OPRM1: variants seen among roughly 807,000 people sequenced by gnomAD.
OPRM1 encodes the protein opioid receptor mu 1, also known as mu-type opioid receptor.
OPRM1 carries 27 observed loss-of-function variants against 31.8 expected under a neutral mutation model. The observed-to-expected ratio is 0.85, with a 90% CI of 0.63 to 1.17. The LOEUF (loss-of-function observed/expected upper bound fraction) is 1.17. Among genes scored for constraint, OPRM1 ranks in the 50% most tolerant of loss-of-function variants. The pLI is 0.00. For synonymous variants in OPRM1, 196 were observed against 189.9 expected (o/e 1.03, Z -0.26); for missense variants, 536 against 511.1 (o/e 1.05, Z -0.47).
intron 1 of OPRM1, among the ~76,000 whole-genome samples, chr6:154,048,613 C>G (rs892898988): frequency 2.0e-5 from 3 of 152,162 alleles, no homozygotes; most frequent in Admixed American, 6.5e-5. Context: ...CAATTCTAAG[C>G]TATTAGCAAT....
At chr6:154,018,116 T>C (rs1778118561) in intron 1 of OPRM1, among the ~76,000 whole-genome samples, 1 of 152,110 alleles carries the variant, frequency 6.6e-6, no homozygotes, top group African/African-American at 2.4e-5. Context: ...GATTTTTTTC[T>C]CCCAAGAATA....
At chr6:154,182,495 A>G (rs895513544) in intron 3 of OPRM1, among the ~76,000 whole-genome samples, 3 of 152,218 alleles carry the variant, frequency 2.0e-5, no homozygotes, top group Non-Finnish European at 4.4e-5. Flanking sequence ...ATTTGTTTTT[A>G]AATTTTATTC....
At chr6:154,176,786 C>A (rs1353607389) in intron 3 of OPRM1, among the ~76,000 whole-genome samples, 1 of 152,194 alleles carries the variant, frequency 6.6e-6, no homozygotes, top group African/African-American at 2.4e-5. Flanking sequence ...CCCACTGACT[C>A]TTCACAGAAT....
intron 3 of OPRM1, among the ~76,000 whole-genome samples, chr6:154,096,546 G>A (rs1293534123): frequency 6.6e-6 from 1 of 152,074 alleles, no homozygotes; most frequent in Admixed American, 6.5e-5. Flanking sequence ...CACCAGGCTA[G>A]TACTAACAAC....
chr6:154,241,363 T>C (rs1780578515), intron 3 of OPRM1, among the ~76,000 whole-genome samples: 1 of 151,878 alleles, frequency 6.6e-6, no homozygotes, highest in South Asian at 2.1e-4. Flanking sequence ...TGTCAATAAA[T>C]GAAAACTAAA....
At position 154,127,300 on chromosome 6, in the gene OPRM1, C is replaced by T. The variant is rs1797646762; in HGVS notation, c.*8579C>T. ...CATCTAAGGATTCCGCCAGAGACTT[C>T]CAAAAGAAGAGGTCTCATTTATAAA... On this transcript the variant is annotated 3_prime_UTR_variant, in exon 4 of 4. Transcript: ENST00000330432. 1.3e-5 allele frequency among the ~76,000 whole-genome samples: 2 copies of T among 152,092 alleles called. No individual in the cohort carries two copies. The highest frequency in any genetic ancestry group is 1.3e-4 in the Admixed American group (2 of 15,264).
At chr6:154,137,483 A>G (rs1798087403) in intron 3 of OPRM1, among the ~76,000 whole-genome samples, 1 of 152,186 alleles carries the variant, frequency 6.6e-6, no homozygotes, top group Admixed American at 6.5e-5. Flanking sequence ...AATTTAATAA[A>G]TCATTAAATT....
intron 1 of OPRM1, among the ~76,000 whole-genome samples, chr6:154,049,550 A>T (rs1017229585): frequency 6.6e-6 from 1 of 152,216 alleles, no homozygotes; most frequent in Non-Finnish European, 1.5e-5. Context: ...TTTCAAATAC[A>T]GAATCCTCAA....
intron 3 of OPRM1, among the ~76,000 whole-genome samples, chr6:154,224,845 T>C (rs1779133556): frequency 2.0e-5 from 3 of 152,226 alleles, no homozygotes; most frequent in Admixed American, 6.5e-5. Flanking sequence ...ATTATATATA[T>C]GCAGCTTCTC....
chr6:154,039,038 G>T (rs546524303), upstream of OPRM1: 124 of 1,193,890 alleles, frequency 1.0e-4, 1 homozygote, highest in South Asian at 1.9e-3. Context: ...TTCCCTGCCA[G>T]ATTTTAAGGA....
At chr6:154,208,380 C>T (rs9479791) in intron 3 of OPRM1, among the ~76,000 whole-genome samples, 24,267 of 152,146 alleles carry the variant, frequency 0.16, 2,232 homozygotes, top group African/African-American at 0.25. Flanking sequence ...GCTCAGATCT[C>T]AGCTCTCAGT....
intron 3 of OPRM1, chr6:154,246,616 G>A: frequency 6.2e-7 from 1 of 1,613,686 alleles, no homozygotes; most frequent in Non-Finnish European, 8.5e-7. Context: ...CCAGTACAGT[G>A]ACGACCCCTT....
chr6:154,097,586 CGTGTGT>C (rs5881063), intron 3 of OPRM1, among the ~76,000 whole-genome samples: 1 of 149,612 alleles, frequency 6.7e-6, no homozygotes, highest in Non-Finnish European at 1.5e-5. Flanking sequence ...AAAATGGTTC[CGTGTGT>C]GTGTGTGTGT....
intron 3 of OPRM1, among the ~76,000 whole-genome samples, chr6:154,151,106 T>C (rs1042561857): frequency 1.3e-5 from 2 of 152,218 alleles, no homozygotes; most frequent in African/African-American, 4.8e-5. Flanking sequence ...GTTGTCCCAA[T>C]TGGCATGCAG....
Position 154,123,234 on chromosome 6 carries a change from CTTG to C in OPRM1, c.*4518_*4520del, listed in dbSNP as rs1797400236. Among the ~76,000 whole-genome samples the C allele has an allele frequency of 6.6e-6, 1 of 152,152 alleles. No individual in the cohort carries two copies. Among genetic ancestry groups the C allele is most frequent in the African/African-American group, 2.4e-5 (1 of 41,446 alleles). On this transcript the variant is annotated 3_prime_UTR_variant, in exon 4 of 4. Transcript: ENST00000330432. ...TAGGCGAGCACAAAGCATAGCTTCTCTTGTTGTATAATTGTGGGTTTGTTTTAA... is the reference window on the plus strand; with the variant it reads ...TAGGCGAGCACAAAGCATAGCTTCTCTTGTATAATTGTGGGTTTGTTTTAA...
intron 1 of OPRM1, among the ~76,000 whole-genome samples, chr6:154,033,342 G>A (rs966534491): frequency 3.9e-5 from 6 of 152,154 alleles, no homozygotes; most frequent in Non-Finnish European, 7.3e-5. Flanking sequence ...CAGGCCTTGG[G>A]TTAGAGATGA....
chr6:154,045,501 C>A (rs1780941935), intron 1 of OPRM1, among the ~76,000 whole-genome samples: 1 of 152,172 alleles, frequency 6.6e-6, no homozygotes, highest in Non-Finnish European at 1.5e-5. Context: ...TCACCTTGCA[C>A]CCCCATGCCA....
intron 3 of OPRM1, among the ~76,000 whole-genome samples, chr6:154,171,705 AG>A (rs1226619565): frequency 1.3e-5 from 2 of 152,244 alleles, no homozygotes; most frequent in Non-Finnish European, 2.9e-5. Flanking sequence ...AGAAATACTA[AG>A]CATGGCCACA....
intron 1 of OPRM1, among the ~76,000 whole-genome samples, chr6:154,081,396 C>T (rs1030586360): frequency 7.9e-5 from 12 of 152,108 alleles, no homozygotes; most frequent in African/African-American, 2.9e-4. Flanking sequence ...GTCCCAGCTA[C>T]TGGGGAGGCT....
Sources: gnomAD v4.1 joint callset for allele counts (sites outside exome capture counted in the v4.1 genomes callset) on GRCh38, gnomAD v4.1.1 for gene constraint, MANE v1.5 for transcripts, NCBI Gene and HGNC (gene_info 2026-07-23, HGNC 2026-07-21) for gene names.